The following KIF20B variants were observed in gnomAD, a reference collection of about 807,000 sequenced individuals.
KIF20B encodes the protein kinesin family member 20B.
In KIF20B, 188 loss-of-function variants were observed where a neutral mutation model predicts 232.5. The ratio of observed to expected loss-of-function variants is 0.81; its 90% CI spans 0.72 to 0.91. The LOEUF is 0.91. Ranked by LOEUF, KIF20B falls within the 40% of genes least tolerant of loss-of-function variation. The pLI, the probability that KIF20B is intolerant of heterozygous loss-of-function variation, is 0.00. For synonymous variants in KIF20B, 712 were observed against 683.0 expected, an observed-to-expected ratio of 1.04 and a Z score of -0.66; for missense variants, 2,154 against 2,055.9, an observed-to-expected ratio of 1.05 and a Z score of -0.92.
At chr10:89,712,502 C>A (rs760551760) in intron 6 of KIF20B, among the ~76,000 whole-genome samples, 1 of 152,104 alleles carries the variant, frequency 6.6e-6, no homozygotes, top group Non-Finnish European at 1.5e-5. Context: ...AGATCCTCTT[C>A]CCTTGGCCTT....
chr10:89,716,649 C>T (rs968519096), intron 9 of KIF20B, 102 bp downstream of exon 9: 40 of 657,704 alleles, frequency 6.1e-5, no homozygotes, highest in Non-Finnish European at 1.0e-4. Context: ...TAGGTTCTCT[C>T]GTGTTAAATT....
chr10:89,772,895 T>C, intron 32 of KIF20B, 64 bp downstream of exon 32: 2 of 1,392,032 alleles, frequency 1.4e-6, no homozygotes, highest in Admixed American at 4.7e-5. Context: ...TTTTTTACAG[T>C]GGTTTGAATT....
At chr10:89,766,634 C>A (rs892909940) in intron 29 of KIF20B, among the ~76,000 whole-genome samples, 4 of 152,044 alleles carry the variant, frequency 2.6e-5, no homozygotes, top group African/African-American at 4.8e-5. Flanking sequence ...TACAAACTCT[C>A]TAGCAAAATA....
At position 89,739,021 on chromosome 10, in the gene KIF20B, G is replaced by A; in HGVS notation, c.3840G>A (p.Arg1280=). 1 of 1,613,230 alleles carries A rather than the reference G, an allele frequency of 6.2e-7. No homozygotes were observed. ...AGAATCTGAAAGCAGATCTTCAGAG[G>A]AAGGAAGAAGATTATGCTGACCTGA... is the stretch of plus-strand genomic sequence containing the variant. ...RTQNLKADLQ[R]KEEDYADLKE... is the part of the protein sequence containing the mutation. The change falls in exon 21 of 33, where the codon AGG becomes AGA. Residue 1280 remains arginine, a synonymous_variant. Transcript: ENST00000371728.
chr10:89,714,102 C>T lies in KIF20B; in HGVS notation c.712+19C>T. The stretch of plus-strand genomic sequence containing the variant: ...CTTTATGGTAAGGTTTCGTTGCTCA[C>T]TTATCTTTGATGTATCGATTATATG... On this transcript the variant is annotated intron_variant, in intron 7 of 32. Transcript: ENST00000371728. 7.4e-7 allele frequency: 1 copy of T among 1,358,322 alleles called. No individual in the cohort carries two copies. The highest frequency in any genetic ancestry group is 1.5e-5 in the South Asian group (1 of 66,030). 84.1% of individuals were successfully genotyped at this position (1,358,322 alleles called of 1,614,324 possible). A position where few individuals can be genotyped will look rare whatever the true frequency, so the allele number is the denominator to read the frequency against.
At position 89,719,599 on chromosome 10, in the gene KIF20B, C is replaced by A; in HGVS notation, c.1615C>A (p.Leu539Ile). ...GGAAGACGAGGATTTGGTTGAGGAG[C>A]TAGAAAACGCTGAAGAAACTCAAAA... is the stretch of plus-strand genomic sequence containing the variant. ...LMEDEDLVEE[L>I]ENAEETQNVE... The change falls in exon 13 of 33, where the codon CTA (leucine) becomes ATA (isoleucine). Residue 539 changes from leucine (L) to isoleucine (I), a missense_variant. Coordinates refer to ENST00000371728, the MANE Select transcript of KIF20B (RefSeq NM_001284259.2). 1 of 1,613,306 alleles carries A rather than the reference C, an allele frequency of 6.2e-7. No individual in the cohort carries two copies. The highest frequency in any genetic ancestry group is 1.1e-5 in the South Asian group (1 of 91,038).
intron 31 of KIF20B, among the ~76,000 whole-genome samples, chr10:89,771,163 A>G (rs1425733691): frequency 2.6e-5 from 4 of 151,866 alleles, no homozygotes; most frequent in Non-Finnish European, 5.9e-5. Context: ...TATTAGGGAG[A>G]CACCTTCCTT....
At chr10:89,772,060 AT>A (rs11335641) in intron 31 of KIF20B, among the ~76,000 whole-genome samples, 46,670 of 151,564 alleles carry the variant, frequency 0.31, 8,057 homozygotes, top group African/African-American at 0.46. Context: ...TTAAAAAAAA[AT>A]ATTTGATATC....
chr10:89,715,300 AG>A, intron 8 of KIF20B, 118 bp downstream of exon 8: 1 of 665,092 alleles, frequency 1.5e-6, no homozygotes, highest in South Asian at 1.9e-5. Flanking sequence ...ATTAACATTA[AG>A]AGAAGAAGAT....
At chr10:89,767,793 TGA>T (rs1370920933) in intron 29 of KIF20B, among the ~76,000 whole-genome samples, 1 of 151,792 alleles carries the variant, frequency 6.6e-6, no homozygotes, top group East Asian at 2.0e-4. Context: ...CAAATGTCAA[TGA>T]GAGAACTTAG....
At position 89,718,693 on chromosome 10, in the gene KIF20B, G is replaced by GA. The variant is rs1842986072; in HGVS notation, c.1272-13dup. ...TGTTTTTTAACTTACAATGTTTTCT[G>GA]AAAATTTTTTCTGTAGGTTTCAACA... is the stretch of plus-strand genomic sequence containing the variant. On this transcript the variant is annotated splice_polypyrimidine_tract_variant and intron_variant, in intron 11 of 32. Coordinates refer to ENST00000371728, the MANE Select transcript of KIF20B (RefSeq NM_001284259.2). 2 of 1,595,040 alleles carry GA rather than the reference G, an allele frequency of 1.3e-6. No homozygotes were observed. The highest frequency in any genetic ancestry group is 4.5e-5 in the East Asian group (2 of 44,446).
At chr10:89,726,238 T>TCTA in intron 15 of KIF20B, 55 bp from the exon 16 acceptor site, 3 of 1,456,980 alleles carry the variant, frequency 2.1e-6, no homozygotes, top group Non-Finnish European at 2.7e-6. Flanking sequence ...TGGTACCACA[T>TCTA]GTAAAGGGTG....
At chr10:89,721,240 C>A (rs950525750) in intron 13 of KIF20B, among the ~76,000 whole-genome samples, 7 of 152,182 alleles carry the variant, frequency 4.6e-5, no homozygotes, top group African/African-American at 1.7e-4. Context: ...AATTATTGAA[C>A]ATATGTTTGG....
chr10:89,741,444 C>T (rs11596742), intron 21 of KIF20B, among the ~76,000 whole-genome samples: 519 of 152,306 alleles, frequency 3.4e-3, no homozygotes, highest in Middle Eastern at 0.01. Flanking sequence ...GACTATTTAA[C>T]ATTACTCTAA....
chr10:89,719,159 T>C (rs1842995955), intron 12 of KIF20B, among the ~76,000 whole-genome samples: 1 of 152,168 alleles, frequency 6.6e-6, no homozygotes, highest in Non-Finnish European at 1.5e-5. Flanking sequence ...TACTTCTGGG[T>C]GATTGGAAAA....
chr10:89,752,171 C>CTATTATAACTG (rs1288431860), intron 24 of KIF20B, among the ~76,000 whole-genome samples: 9 of 151,958 alleles, frequency 5.9e-5, no homozygotes, highest in Non-Finnish European at 1.3e-4. Context: ...CCCTAAAACT[C>CTATTATAACTG]TATTATAACT....
chr10:89,710,911 C>A, intron 5 of KIF20B, 50 bp from the exon 6 acceptor site: 1 of 1,446,640 alleles, frequency 6.9e-7, no homozygotes, highest in Admixed American at 2.3e-5. Flanking sequence ...AGTAAAGTTT[C>A]CTCTTTCCTA....
rs1220206639 is a variant in KIF20B at position 89,718,617 on chromosome 10, G to A, written c.1272-93G>A. On this transcript the variant is annotated intron_variant, in intron 11 of 32. Transcript: ENST00000371728. Reference sequence around the variant, plus strand: ...ACCCTAAAGTTTAATTTCATGATAGGTGGCTTAATTATTTCTTTGTAAAAT... The same window carrying A: ...ACCCTAAAGTTTAATTTCATGATAGATGGCTTAATTATTTCTTTGTAAAAT... 32 of 919,202 alleles carry A rather than the reference G, an allele frequency of 3.5e-5. No homozygotes were observed. In the East Asian group the frequency reaches 5.0e-4, roughly 14 times the overall value. The allele number at this position is 919,202 out of a possible 1,614,324, so 56.9% of individuals were successfully genotyped here. A position where few individuals can be genotyped will look rare whatever the true frequency, so the allele number is the denominator to read the frequency against.
At chr10:89,753,722 G>A (rs1224277586) in intron 25 of KIF20B, among the ~76,000 whole-genome samples, 1 of 152,068 alleles carries the variant, frequency 6.6e-6, no homozygotes, top group African/African-American at 2.4e-5. Flanking sequence ...CTGGGTTCAA[G>A]CGATTCTCCT....
Sources: allele counts gnomAD v4.1 joint callset (sites outside exome capture counted in the v4.1 genomes callset), GRCh38; gene constraint gnomAD v4.1.1; transcripts MANE v1.5; gene names NCBI Gene and HGNC (gene_info 2026-07-23, HGNC 2026-07-21).